Variants in PCCA observed in about 807,000 individuals in gnomAD.
The protein encoded by PCCA is propionyl-CoA carboxylase subunit alpha, also known as propionyl-CoA carboxylase alpha chain, mitochondrial.
In PCCA, 74 loss-of-function variants were observed where a neutral mutation model predicts 101.3. The observed-to-expected ratio is 0.73, with a 90% CI of 0.61 to 0.89. The LOEUF (loss-of-function observed/expected upper bound fraction) is 0.89, where lower values mean the gene tolerates loss of function less well. Among genes scored for constraint, PCCA ranks in the 40% least tolerant of loss-of-function variants. PCCA has a pLI of 0.00. For missense variants in PCCA, 891 were observed against 907.0 expected (o/e 0.98, Z 0.23); for synonymous variants, 294 against 313.6 (o/e 0.94, Z 0.66).
intron 19 of PCCA, among the ~76,000 whole-genome samples, chr13:100,418,817 G>C (rs555719446): frequency 2.1e-5 from 3 of 145,662 alleles, no homozygotes; most frequent in South Asian, 2.3e-4. Flanking sequence ...CTGGGCAAGA[G>C]AGTGAGACTC....
At chr13:100,159,239 C>T (rs1467894461) in intron 6 of PCCA, among the ~76,000 whole-genome samples, 2 of 151,502 alleles carry the variant, frequency 1.3e-5, no homozygotes, top group Non-Finnish European at 2.9e-5. Context: ...TACAGGCACA[C>T]ACCACCACGC....
At chr13:100,137,754 A>G (rs1455854413) in intron 4 of PCCA, among the ~76,000 whole-genome samples, 1 of 151,142 alleles carries the variant, frequency 6.6e-6, no homozygotes, top group Non-Finnish European at 1.5e-5. Flanking sequence ...TGTACACAGC[A>G]TATACTTGGG....
chr13:100,506,694 C>T (rs1413628257), intron 21 of PCCA, among the ~76,000 whole-genome samples: 1 of 152,254 alleles, frequency 6.6e-6, no homozygotes, highest in South Asian at 2.1e-4. Context: ...GAAGTCAGAG[C>T]TCCCCATCTT....
chr13:100,114,817 T>C (rs1395770314), intron 4 of PCCA, among the ~76,000 whole-genome samples: 1 of 152,196 alleles, frequency 6.6e-6, no homozygotes, highest in Non-Finnish European at 1.5e-5. Context: ...CCTCATATGC[T>C]GTTGGTGGGA....
intron 16 of PCCA, among the ~76,000 whole-genome samples, chr13:100,311,659 A>G (rs1006367575): frequency 4.6e-5 from 7 of 152,082 alleles, no homozygotes; most frequent in African/African-American, 9.7e-5. Context: ...AGTCCCAGCT[A>G]CTCAGGAGGC....
chr13:100,501,992 T>C (rs968073555), intron 21 of PCCA, among the ~76,000 whole-genome samples: 1 of 152,098 alleles, frequency 6.6e-6, no homozygotes, highest in African/African-American at 2.4e-5. Context: ...GATGCTTTGG[T>C]GATTGAGAAC....
At chr13:100,209,577 T>C (rs767382903) in intron 7 of PCCA, 114 bp downstream of exon 7, 39 of 654,246 alleles carry the variant, frequency 6.0e-5, no homozygotes, top group East Asian at 1.3e-4. Flanking sequence ...CACACACACA[T>C]ATGCACGCAC....
chr13:100,509,468 A>T (rs555301377), intron 21 of PCCA, among the ~76,000 whole-genome samples: 7 of 152,150 alleles, frequency 4.6e-5, no homozygotes. Context: ...TTTGATTTCT[A>T]TATGTGCGCT....
chr13:100,309,905 C>A lies in PCCA; in HGVS notation c.1426C>A (p.Arg476=), dbSNP rs768703749. The A allele has an allele frequency of 1.2e-6, 2 of 1,608,338 alleles. No homozygotes were observed. The highest frequency in any genetic ancestry group is 2.2e-5 in the South Asian group (2 of 90,990). The change falls in exon 16 of 24, where the codon CGA becomes AGA. Residue 476 remains arginine (R), a synonymous_variant. Transcript: ENST00000376285. ...MADALDNYVI[R]GVTHNIALLR... ...AGATGCACTGGATAACTATGTTATTCGAGGTAAAAACAAAGATTTGCACTC... is the reference window on the plus strand; with the variant it reads ...AGATGCACTGGATAACTATGTTATTAGAGGTAAAAACAAAGATTTGCACTC...
In PCCA at chr13:100,436,333, A is replaced by T. The variant is rs552357362; in HGVS notation, c.1845+10602A>T. Reference sequence around the variant, plus strand: ...TATGCAAATGAAGACTTGGCTGGCAATCAGTCTGATTGGTTTTGGACAGCA... The same window carrying T: ...TATGCAAATGAAGACTTGGCTGGCATTCAGTCTGATTGGTTTTGGACAGCA... On this transcript the variant is annotated intron_variant, in intron 20 of 23. Coordinates refer to ENST00000376285, the MANE Select transcript of PCCA (RefSeq NM_000282.4). Among the ~76,000 whole-genome samples the T allele has an allele frequency of 1.8e-4, 27 of 152,332 alleles. No individual in the cohort carries two copies. The South Asian group carries it at 3.7e-3, about 21-fold the overall frequency.
chr13:100,301,170 G>A (rs1406682826), intron 12 of PCCA, among the ~76,000 whole-genome samples: 1 of 152,136 alleles, frequency 6.6e-6, no homozygotes, highest in Non-Finnish European at 1.5e-5. Flanking sequence ...TTAAGAATTA[G>A]TTTCAAAATT....
At chr13:100,507,143 C>T (rs2086144098) in intron 21 of PCCA, among the ~76,000 whole-genome samples, 1 of 152,142 alleles carries the variant, frequency 6.6e-6, no homozygotes, top group Non-Finnish European at 1.5e-5. Flanking sequence ...TCATTATAGT[C>T]GTAATGTGTC....
At chr13:100,328,689 ATTTTTTT>A (rs757599001) in intron 16 of PCCA, among the ~76,000 whole-genome samples, 17 of 98,222 alleles carry the variant, frequency 1.7e-4, no homozygotes, top group Non-Finnish European at 1.4e-4. Context: ...GTTGAGGTTA[ATTTTTTT>A]TTTTTTTTTT....
At chr13:100,386,370 A>G (rs918811363) in intron 19 of PCCA, among the ~76,000 whole-genome samples, 3 of 152,058 alleles carry the variant, frequency 2.0e-5, no homozygotes, top group Non-Finnish European at 4.4e-5. Context: ...AGTGTCTTCT[A>G]TGTGCTGCTT....
At chr13:100,248,716 T>C (rs2061588450) in intron 8 of PCCA, among the ~76,000 whole-genome samples, 1 of 152,172 alleles carries the variant, frequency 6.6e-6, no homozygotes, top group African/African-American at 2.4e-5. Flanking sequence ...ATGGGTTTTG[T>C]AAATATTTTC....
chr13:100,492,518 C>G (rs575648081), intron 21 of PCCA, among the ~76,000 whole-genome samples: 64 of 151,784 alleles, frequency 4.2e-4, no homozygotes, highest in African/African-American at 1.5e-3. Flanking sequence ...AATGAATTGG[C>G]CCCAGAGTCA....
intron 6 of PCCA, among the ~76,000 whole-genome samples, chr13:100,200,360 T>C (rs1251186841): frequency 6.6e-6 from 1 of 152,174 alleles, no homozygotes; most frequent in East Asian, 1.9e-4. Context: ...CGCCTTGGCC[T>C]CCCAAAGTGC....
chr13:100,182,098 CTTTTTTTTTT>C (rs558498604), intron 6 of PCCA, among the ~76,000 whole-genome samples: 37 of 105,454 alleles, frequency 3.5e-4, no homozygotes, highest in Non-Finnish European at 6.1e-4. Context: ...TTTTCTTTTT[CTTTTTTTTTT>C]TTTTTTTGAG....
At chr13:100,457,449 G>A (rs1190128443) in intron 21 of PCCA, among the ~76,000 whole-genome samples, 2 of 152,178 alleles carry the variant, frequency 1.3e-5, no homozygotes, top group Admixed American at 6.5e-5. Flanking sequence ...TCCAGGATCA[G>A]AGATGAAGGA....
Sources: gnomAD v4.1 joint callset for allele counts (sites outside exome capture counted in the v4.1 genomes callset) on GRCh38, gnomAD v4.1.1 for gene constraint, MANE v1.5 for transcripts, NCBI Gene and HGNC (gene_info 2026-07-23, HGNC 2026-07-21) for gene names.